The following SLC22A23 variants were observed in gnomAD, a reference collection of about 807,000 sequenced individuals.
The protein encoded by SLC22A23 is ion transporter protein.
SLC22A23 carries 26 observed loss-of-function variants against 61.0 expected under a neutral mutation model. The ratio of observed to expected loss-of-function variants is 0.43; its 90% CI spans 0.31 to 0.59. SLC22A23 has a LOEUF of 0.59. Among genes scored for constraint, SLC22A23 ranks in the 20% least tolerant of loss-of-function variants. The pLI, the probability that SLC22A23 is intolerant of heterozygous loss-of-function variation, is 0.11. For synonymous variants in SLC22A23, 430 were observed against 413.9 expected (o/e 1.04, Z -0.47); for missense variants, 796 against 934.7 (o/e 0.85, Z 1.94).
intron 1 of SLC22A23, among the ~76,000 whole-genome samples, chr6:3,451,260 C>T (rs1240033270): frequency 1.3e-5 from 2 of 152,250 alleles, no homozygotes; most frequent in Admixed American, 1.3e-4. Flanking sequence ...TGCAGTGGCG[C>T]GATCTCGCTC....
At chr6:3,397,255 G>C (rs1454210275) in intron 3 of SLC22A23, among the ~76,000 whole-genome samples, 1 of 152,208 alleles carries the variant, frequency 6.6e-6, no homozygotes, top group East Asian at 1.9e-4. Context: ...TGAAATGAGT[G>C]CTCATATCAC....
Position 3,374,841 on chromosome 6 carries a change from C to T in SLC22A23, c.913+35347G>A, listed in dbSNP as rs145371694. ...AGTGCTAGATCTGTCCAAGTAAGAC[C>T]TCAGAGAACCATCTCTGACATTCTT... On this transcript the variant is annotated intron_variant, in intron 3 of 9. Transcript: ENST00000406686. 7.4e-3 allele frequency among the ~76,000 whole-genome samples: 1,128 copies of T among 152,244 alleles called. 17 individuals are homozygous for T. The highest frequency in any genetic ancestry group is 0.026 in the African/African-American group (1,063 of 41,532).
chr6:3,422,931 C>T (rs1561971153), intron 1 of SLC22A23, among the ~76,000 whole-genome samples: 1 of 152,284 alleles, frequency 6.6e-6, no homozygotes, highest in East Asian at 1.9e-4. Flanking sequence ...AGGAAACCCA[C>T]CCCAGAGCCA....
At chr6:3,285,523 CTCCTGTGCAT>C (rs370874189) in intron 7 of SLC22A23, among the ~76,000 whole-genome samples, 228 of 152,332 alleles carry the variant, frequency 1.5e-3, no homozygotes, top group African/African-American at 5.0e-3. Flanking sequence ...TCGCCTGGGG[CTCCTGTGCAT>C]TCCTGCTCAG....
intron 4 of SLC22A23, chr6:3,302,762 A>C (rs1761704981): frequency 6.6e-6 from 1 of 152,036 alleles, no homozygotes. Flanking sequence ...TTGTTATCTG[A>C]TTTCTAGTTT....
intron 1 of SLC22A23, among the ~76,000 whole-genome samples, chr6:3,444,623 G>C (rs550893198): frequency 1.3e-5 from 2 of 152,298 alleles, no homozygotes; most frequent in African/African-American, 4.8e-5. Context: ...CCACTCTCCC[G>C]GCCTTGGCTA....
chr6:3,376,236 T>G (rs1461993770), intron 3 of SLC22A23, among the ~76,000 whole-genome samples: 1 of 152,140 alleles, frequency 6.6e-6, no homozygotes, highest in African/African-American at 2.4e-5. Flanking sequence ...CCCAGCTGCC[T>G]CCTCCTCCTT....
chr6:3,438,056 C>T (rs2127547168), intron 1 of SLC22A23, among the ~76,000 whole-genome samples: 1 of 152,250 alleles, frequency 6.6e-6, no homozygotes, highest in Admixed American at 6.5e-5. Flanking sequence ...ATCTTTGTTG[C>T]CTGCTTGAAA....
chr6:3,414,672 A>G lies in SLC22A23; in HGVS notation c.758+1080T>C, dbSNP rs941662824. On this transcript the variant is annotated intron_variant, in intron 2 of 9. Transcript: ENST00000406686. The surrounding 1 kb of genome is among the most constrained non-coding windows in gnomAD (Gnocchi z 5.1). ...TCACAGAACCTATAGAATTTGTTCC[A>G]TATCACTCTGGGCCCTTATTTCCTC... is the stretch of plus-strand genomic sequence containing the variant. Among the ~76,000 whole-genome samples, 3 of 147,052 alleles carry G rather than the reference A, an allele frequency of 2.0e-5. No individual in the cohort carries two copies. Among genetic ancestry groups the G allele is most frequent in the South Asian group, 2.1e-4 (1 of 4,656 alleles).
chr6:3,415,917 A>G, intron 1 of SLC22A23, 62 bp from the exon 2 acceptor site: 1 of 1,254,168 alleles, frequency 8.0e-7, no homozygotes, highest in Non-Finnish European at 1.1e-6. Flanking sequence ...GTCGTACTCA[A>G]TTATAAGGGC....
intron 1 of SLC22A23, among the ~76,000 whole-genome samples, chr6:3,452,741 T>C (rs1389335834): frequency 6.6e-6 from 1 of 151,886 alleles, no homozygotes; most frequent in East Asian, 1.9e-4. Context: ...CTGACATTAA[T>C]GTTGTCATTA....
At chr6:3,384,718 C>G (rs529148111) in intron 3 of SLC22A23, among the ~76,000 whole-genome samples, 1 of 152,186 alleles carries the variant, frequency 6.6e-6, no homozygotes, top group Non-Finnish European at 1.5e-5. Context: ...AAAAGTCCCC[C>G]AAATCATATG....
intron 9 of SLC22A23, among the ~76,000 whole-genome samples, chr6:3,278,558 C>T (rs781238941): frequency 1.3e-5 from 2 of 152,334 alleles, no homozygotes; most frequent in Non-Finnish European, 2.9e-5. Context: ...CATCAACAGG[C>T]ACGTGCTGTT....
chr6:3,288,316 T>C (rs1760245561), intron 6 of SLC22A23, among the ~76,000 whole-genome samples: 1 of 152,200 alleles, frequency 6.6e-6, no homozygotes, highest in Non-Finnish European at 1.5e-5. Flanking sequence ...TCTACGTCCT[T>C]CTCATCTAAC....
intron 4 of SLC22A23, among the ~76,000 whole-genome samples, chr6:3,306,311 A>G (rs370566390): frequency 1.3e-5 from 2 of 152,334 alleles, no homozygotes; most frequent in African/African-American, 2.4e-5. Flanking sequence ...TCACATTTCA[A>G]CATGTGATTT....
chr6:3,290,634 T>C (rs913340047), intron 5 of SLC22A23: 1 of 152,734 alleles, frequency 6.5e-6, no homozygotes, highest in African/African-American at 2.4e-5. Context: ...CTGAAGGGAG[T>C]CCACCAGCGC....
rs1454430117 is a variant in SLC22A23, at chr6:3,309,772, G to T, written c.1083-11554C>A. Among the ~76,000 whole-genome samples the T allele has an allele frequency of 2.0e-5, 3 of 152,184 alleles. No individual in the cohort carries two copies. Among genetic ancestry groups the T allele is most frequent in the Admixed American group, 6.5e-5 (1 of 15,284 alleles). On this transcript the variant is annotated intron_variant, in intron 4 of 9. Coordinates refer to ENST00000406686, the MANE Select transcript of SLC22A23 (RefSeq NM_015482.2). The surrounding 1 kb of genome is among the most constrained non-coding windows in gnomAD (Gnocchi z 4.7). ...GGATGGCTCTCCAATCACTCACCAG[G>T]GACAGGCAACATTACAAAACGGAAC...
At chr6:3,445,461 A>G (rs897622284) in intron 1 of SLC22A23, among the ~76,000 whole-genome samples, 2 of 152,188 alleles carry the variant, frequency 1.3e-5, no homozygotes, top group Non-Finnish European at 2.9e-5. Flanking sequence ...CGGCCTCCCG[A>G]AGTGCTGGGA....
At chr6:3,294,939 C>T (rs534459789) in intron 5 of SLC22A23, among the ~76,000 whole-genome samples, 1 of 152,238 alleles carries the variant, frequency 6.6e-6, no homozygotes, top group Non-Finnish European at 1.5e-5. Flanking sequence ...CCCCACTGGA[C>T]CCCTACACGT....
Sources: allele counts gnomAD v4.1 joint callset (sites outside exome capture counted in the v4.1 genomes callset), GRCh38; gene constraint gnomAD v4.1.1; non-coding constraint Gnocchi (gnomAD v3.1); transcripts MANE v1.5; gene names NCBI Gene and HGNC (gene_info 2026-07-23, HGNC 2026-07-21).